The following HECW1 variants were observed in gnomAD, a reference collection of about 807,000 sequenced individuals.
The protein encoded by HECW1 is HECT, C2 and WW domain containing E3 ubiquitin protein ligase 1, also known as E3 ubiquitin-protein ligase HECW1.
Under a neutral mutation model 182.3 loss-of-function variants are expected in HECW1, and 61 were observed. The ratio of observed to expected loss-of-function variants is 0.33; its 90% CI spans 0.27 to 0.41. HECW1 has a LOEUF of 0.41. Ranked by LOEUF, HECW1 falls within the 10% of genes least tolerant of loss-of-function variation. The pLI is 1.00. For missense variants in HECW1, 1,739 were observed against 2,108.9 expected (o/e 0.82, Z 3.44); for synonymous variants, 859 against 832.6 (o/e 1.03, Z -0.55).
At chr7:43,289,439 G>A (rs966666696) in intron 3 of HECW1, among the ~76,000 whole-genome samples, 1 of 152,174 alleles carries the variant, frequency 6.6e-6, no homozygotes, top group African/African-American at 2.4e-5. Flanking sequence ...TACATGCAGT[G>A]GCAGCTCTAC....
At chr7:43,338,773 C>T (rs1812600399) in intron 5 of HECW1, among the ~76,000 whole-genome samples, 1 of 151,934 alleles carries the variant, frequency 6.6e-6, no homozygotes, top group East Asian at 1.9e-4. Context: ...TGTTCTGTTT[C>T]TCTTCATCCT....
intron 6 of HECW1, 39 bp from the exon 7 acceptor site, chr7:43,396,775 G>A (rs1381922549): frequency 1.5e-6 from 2 of 1,354,190 alleles, no homozygotes; most frequent in Non-Finnish European, 2.1e-6. Flanking sequence ...CCATTTCAGT[G>A]CTTGTTTTGT....
intron 8 of HECW1, among the ~76,000 whole-genome samples, chr7:43,422,735 G>A (rs1414243212): frequency 6.6e-6 from 1 of 152,122 alleles, no homozygotes; most frequent in African/African-American, 2.4e-5. Context: ...TTGTTTACCA[G>A]AGTTACCACA....
intron 2 of HECW1, among the ~76,000 whole-genome samples, chr7:43,219,024 G>T (rs1796707085): frequency 6.6e-6 from 1 of 152,174 alleles, no homozygotes; most frequent in African/African-American, 2.4e-5. Context: ...TGTTTGATTT[G>T]CATAGGGCTC....
intron 5 of HECW1, among the ~76,000 whole-genome samples, chr7:43,328,680 G>T (rs1441984400): frequency 6.6e-6 from 1 of 152,200 alleles, no homozygotes; most frequent in Non-Finnish European, 1.5e-5. Flanking sequence ...AACAAAGCAT[G>T]ACTGAGCGTT....
chr7:43,417,925 G>A (rs1393062489), intron 8 of HECW1, among the ~76,000 whole-genome samples: 2 of 152,128 alleles, frequency 1.3e-5, no homozygotes, highest in Non-Finnish European at 2.9e-5. Context: ...CCCACAAATT[G>A]AGTGGCTTAA....
At chr7:43,448,476 T>C (rs191465092) in intron 11 of HECW1, among the ~76,000 whole-genome samples, 255 of 152,340 alleles carry the variant, frequency 1.7e-3, no homozygotes, top group Admixed American at 4.2e-3. Flanking sequence ...TACCTAGCTG[T>C]TCTGTGCCTC....
chr7:43,396,144 G>A (rs1399255020), intron 6 of HECW1, among the ~76,000 whole-genome samples: 1 of 152,172 alleles, frequency 6.6e-6, no homozygotes, highest in Non-Finnish European at 1.5e-5. Flanking sequence ...GAGAATGGAA[G>A]CAAAAACCCT....
chr7:43,258,098 G>T (rs777279113), intron 3 of HECW1, among the ~76,000 whole-genome samples: 1 of 152,156 alleles, frequency 6.6e-6, no homozygotes, highest in Non-Finnish European at 1.5e-5. Context: ...TCAGCACTGT[G>T]GGAGGCCAAG....
chr7:43,484,810 C>A (rs988965206), intron 17 of HECW1, among the ~76,000 whole-genome samples: 5 of 152,222 alleles, frequency 3.3e-5, no homozygotes, highest in Admixed American at 6.5e-5. Flanking sequence ...CATTTTAAGG[C>A]GGAGGCACAT....
chr7:43,509,302 G>A, intron 24 of HECW1, 181 bp downstream of exon 24: 2 of 529,058 alleles, frequency 3.8e-6, no homozygotes, highest in Non-Finnish European at 3.2e-6. Context: ...AACACAAGAT[G>A]GATTTACCAA....
chr7:43,259,870 A>C (rs1182283540), intron 3 of HECW1, among the ~76,000 whole-genome samples: 6 of 152,202 alleles, frequency 3.9e-5, no homozygotes, highest in African/African-American at 1.4e-4. Context: ...TAGAATAATG[A>C]GAGAGAGAAT....
chr7:43,178,572 G>A (rs1018784190), intron 2 of HECW1, among the ~76,000 whole-genome samples: 5 of 152,208 alleles, frequency 3.3e-5, no homozygotes, highest in African/African-American at 1.2e-4. Context: ...GCTCACATGT[G>A]TTGAGCTCCT....
chr7:43,300,071 T>C (rs543110983), intron 3 of HECW1, among the ~76,000 whole-genome samples: 1 of 152,350 alleles, frequency 6.6e-6, no homozygotes, highest in South Asian at 2.1e-4. Flanking sequence ...CTCGTTGTGA[T>C]TTCTTTCTTC....
At chr7:43,450,582 A>G (rs548103811) in intron 11 of HECW1, among the ~76,000 whole-genome samples, 11 of 152,162 alleles carry the variant, frequency 7.2e-5, no homozygotes, top group Non-Finnish European at 1.5e-4. Context: ...ATCAGACTCA[A>G]ATCCTACATA....
intron 3 of HECW1, among the ~76,000 whole-genome samples, chr7:43,273,211 TG>T (rs1221300935): frequency 6.6e-6 from 1 of 152,092 alleles, no homozygotes; most frequent in African/African-American, 2.4e-5. Context: ...AAAAACTAAT[TG>T]CTGGGTACAA....
intron 17 of HECW1, among the ~76,000 whole-genome samples, chr7:43,482,830 G>C (rs1424134003): frequency 2.6e-5 from 4 of 152,112 alleles, no homozygotes; most frequent in African/African-American, 9.7e-5. Context: ...GCTTGAGCCT[G>C]GGAGGTAGAG....
chr7:43,547,525 G>A (rs1191988689), intron 26 of HECW1, among the ~76,000 whole-genome samples: 3 of 151,312 alleles, frequency 2.0e-5, no homozygotes, highest in South Asian at 2.1e-4. Context: ...CCAGCCTGGC[G>A]ACAGAGTGAG....
At chr7:43,259,197 G>A (rs1450943752) in intron 3 of HECW1, among the ~76,000 whole-genome samples, 1 of 152,162 alleles carries the variant, frequency 6.6e-6, no homozygotes, top group East Asian at 1.9e-4. Context: ...GACCAGCCTG[G>A]CCGACATGGC....
Sources: allele counts gnomAD v4.1 joint callset (sites outside exome capture counted in the v4.1 genomes callset), GRCh38; gene constraint gnomAD v4.1.1; transcripts MANE v1.5; gene names NCBI Gene and HGNC (gene_info 2026-07-23, HGNC 2026-07-21).